UBE2E2: variants seen among roughly 807,000 people sequenced by gnomAD.
UBE2E2 encodes ubiquitin conjugating enzyme E2 E2.
In UBE2E2, 6 loss-of-function variants were observed where a neutral mutation model predicts 24.7. That is an observed-to-expected ratio of 0.24 (90% confidence interval 0.13 to 0.48). The LOEUF is 0.48. UBE2E2 is among the 20% of genes least tolerant of loss of function. UBE2E2 has a pLI of 0.99. For synonymous variants in UBE2E2, 104 were observed against 83.6 expected (o/e 1.24, Z -1.33); for missense variants, 169 against 245.0 (o/e 0.69, Z 2.07).
At chr3:23,453,523 C>T (rs559179640) in intron 3 of UBE2E2, among the ~76,000 whole-genome samples, 3 of 152,244 alleles carry the variant, frequency 2.0e-5, no homozygotes, top group Non-Finnish European at 4.4e-5. Context: ...ACATATTTCA[C>T]TTCTCATTTA....
chr3:23,525,799 G>A (rs1422962855), intron 4 of UBE2E2, among the ~76,000 whole-genome samples: 1 of 152,192 alleles, frequency 6.6e-6, no homozygotes, highest in Non-Finnish European at 1.5e-5. Context: ...AAAATAATGT[G>A]ATGGGCTTTC....
intron 3 of UBE2E2, among the ~76,000 whole-genome samples, chr3:23,281,161 A>T (rs942873520): frequency 7.9e-5 from 12 of 152,184 alleles, no homozygotes; most frequent in Admixed American, 3.3e-4. Context: ...GCAATATATG[A>T]ATTTTAGGGA....
At chr3:23,417,934 A>T (rs1311201332) in intron 3 of UBE2E2, among the ~76,000 whole-genome samples, 1 of 152,130 alleles carries the variant, frequency 6.6e-6, no homozygotes, top group Admixed American at 6.5e-5. Context: ...TCCCAGGTCG[A>T]CTTCAGACTG....
chr3:23,318,712 G>A (rs565961709), intron 3 of UBE2E2, among the ~76,000 whole-genome samples: 1 of 152,136 alleles, frequency 6.6e-6, no homozygotes, highest in Non-Finnish European at 1.5e-5. Context: ...GAACAGTATG[G>A]GGGAAACTGC....
At chr3:23,548,797 T>G (rs1695578164) in intron 5 of UBE2E2, among the ~76,000 whole-genome samples, 1 of 152,210 alleles carries the variant, frequency 6.6e-6, no homozygotes, top group African/African-American at 2.4e-5. Context: ...AAGAGTAGCT[T>G]TATTTATTAT....
At position 23,373,937 on chromosome 3, in the gene UBE2E2, G is replaced by T. The variant is rs78030022; in HGVS notation, c.228-125671G>T. ...GATAGTGATGGTGTTTAAAAATATC[G>T]TAAATGCAAATGTTTATTAAATGTT... On this transcript the variant is annotated intron_variant, in intron 3 of 5. Coordinates refer to ENST00000396703, the MANE Select transcript of UBE2E2 (RefSeq NM_152653.4). Among the ~76,000 whole-genome samples, 3 of 152,034 alleles carry T rather than the reference G, an allele frequency of 2.0e-5. No individual in the cohort carries two copies. In the South Asian group the frequency reaches 6.2e-4, roughly 32 times the overall value.
chr3:23,475,072 G>A (rs1699098946), intron 3 of UBE2E2, among the ~76,000 whole-genome samples: 1 of 151,916 alleles, frequency 6.6e-6, no homozygotes, highest in Non-Finnish European at 1.5e-5. Context: ...TCTTCTCCTC[G>A]AAGTGCTCCT....
chr3:23,220,531 T>C (rs1696603183), intron 3 of UBE2E2, among the ~76,000 whole-genome samples: 1 of 152,182 alleles, frequency 6.6e-6, no homozygotes, highest in South Asian at 2.1e-4. Flanking sequence ...CTTAGAGTAT[T>C]TCCTATAAGT....
intron 3 of UBE2E2, among the ~76,000 whole-genome samples, chr3:23,370,080 A>G (rs899974720): frequency 6.6e-6 from 1 of 152,202 alleles, no homozygotes; most frequent in South Asian, 2.1e-4. Context: ...TCACCAGAAC[A>G]TGTTTCTGCT....
At chr3:23,285,927 C>T (rs537930917) in intron 3 of UBE2E2, among the ~76,000 whole-genome samples, 1 of 152,338 alleles carries the variant, frequency 6.6e-6, no homozygotes, top group South Asian at 2.1e-4. Context: ...AAATTCTTGA[C>T]TTCAAGTGAT....
intron 5 of UBE2E2, among the ~76,000 whole-genome samples, chr3:23,574,966 C>T (rs1696313577): frequency 6.6e-6 from 1 of 152,172 alleles, no homozygotes; most frequent in South Asian, 2.1e-4. Context: ...ACCTACATGA[C>T]TCTCAAAGGA....
chr3:23,303,705 C>G (rs188048537), intron 3 of UBE2E2, among the ~76,000 whole-genome samples: 138 of 152,234 alleles, frequency 9.1e-4, no homozygotes, highest in African/African-American at 3.2e-3. Context: ...AATTGTTGGT[C>G]TTCCATACAG....
At chr3:23,576,481 G>A (rs1468308833) in intron 5 of UBE2E2, among the ~76,000 whole-genome samples, 1 of 152,116 alleles carries the variant, frequency 6.6e-6, no homozygotes, top group Non-Finnish European at 1.5e-5. Flanking sequence ...AAAGAATGCT[G>A]TTAAAATCAC....
intron 3 of UBE2E2, among the ~76,000 whole-genome samples, chr3:23,269,412 G>C (rs1245537278): frequency 2.0e-5 from 3 of 152,144 alleles, no homozygotes; most frequent in Non-Finnish European, 4.4e-5. Flanking sequence ...AACTCCAAAG[G>C]CTTTTGGGGC....
chr3:23,459,684 A>G (rs1698764670), intron 3 of UBE2E2, among the ~76,000 whole-genome samples: 2 of 152,172 alleles, frequency 1.3e-5, no homozygotes, highest in Non-Finnish European at 2.9e-5. Flanking sequence ...CAAATTATTC[A>G]TGCCTCGGGA....
chr3:23,352,863 A>T (rs937797193), intron 3 of UBE2E2, among the ~76,000 whole-genome samples: 1 of 152,212 alleles, frequency 6.6e-6, no homozygotes, highest in African/African-American at 2.4e-5. Flanking sequence ...AAAAAGAGGG[A>T]ATCCTCCCTA....
intron 3 of UBE2E2, among the ~76,000 whole-genome samples, chr3:23,300,497 A>T (rs1356657320): frequency 2.0e-5 from 3 of 152,080 alleles, no homozygotes. Flanking sequence ...AAAATCTCTC[A>T]GCATTTGCTT....
intron 4 of UBE2E2, among the ~76,000 whole-genome samples, chr3:23,503,392 T>C (rs1385784561): frequency 6.6e-6 from 1 of 151,682 alleles, no homozygotes; most frequent in Non-Finnish European, 1.5e-5. Context: ...GGTTTCGCCA[T>C]GTTGGCCAGG....
At chr3:23,301,764 C>T (rs1363976293) in intron 3 of UBE2E2, among the ~76,000 whole-genome samples, 1 of 152,162 alleles carries the variant, frequency 6.6e-6, no homozygotes, top group East Asian at 1.9e-4. Flanking sequence ...TGCCTGTTCT[C>T]AGATCTCCAG....
Sources: gnomAD v4.1 joint callset for allele counts (sites outside exome capture counted in the v4.1 genomes callset) on GRCh38, gnomAD v4.1.1 for gene constraint, MANE v1.5 for transcripts, NCBI Gene and HGNC (gene_info 2026-07-23, HGNC 2026-07-21) for gene names.